The following TANC1 variants were observed in gnomAD, a reference collection of about 807,000 sequenced individuals.
The protein encoded by TANC1 is protein TANC1.
Under a neutral mutation model 149.7 loss-of-function variants are expected in TANC1, and 77 were observed. The observed-to-expected ratio is 0.51, with a 90% CI of 0.43 to 0.62. The LOEUF is 0.62. Ranked by LOEUF, TANC1 falls within the 20% of genes least tolerant of loss-of-function variation. The pLI is 0.00. For synonymous variants in TANC1, 854 were observed against 925.0 expected (o/e 0.92, Z 1.39); for missense variants, 1,985 against 2,321.8 (o/e 0.85, Z 2.98).
At chr2:159,019,682 T>TTTTTTTTTTTTTTTTC in intron 2 of TANC1, among the ~76,000 whole-genome samples, 1 of 101,506 alleles carries the variant, frequency 9.9e-6, no homozygotes, top group Non-Finnish European at 2.0e-5. Context: ...TTTTTTTTTT[T>TTTTTTTTTTTTTTTTC]TTTTGAGGCA....
chr2:159,160,973 G>GC lies in TANC1; in HGVS notation c.683-2305dup, dbSNP rs547851549. 1.3e-3 allele frequency among the ~76,000 whole-genome samples: 184 copies of GC among 146,096 alleles called. 1 individual carries two copies. Among genetic ancestry groups the GC allele is most frequent in the Non-Finnish European group, 1.4e-3 (95 of 66,696 alleles). ...GCCAGGACCTGAGTGTTACCCCTCC[G>GC]CCCCCTCTCCCCCTCCACGAGATGC... On this transcript the variant is annotated intron_variant, in intron 7 of 26. Coordinates refer to ENST00000263635, the MANE Select transcript of TANC1 (RefSeq NM_033394.3).
In TANC1 at chr2:159,163,494, T is replaced by G. The variant is rs768282805; in HGVS notation, c.894T>G (p.Pro298=). Residue 298 remains proline, a synonymous_variant, in exon 8 of 27, where the codon CCT becomes CCG. Transcript: ENST00000263635. The part of the protein sequence containing the change: ...AESSAGDGPV[P]YSQGSSSLIM... ...CCTCAGCTGGAGATGGTCCAGTCCC[T>G]TATTCTCAGGGCTCCAGCTCACTAA... is the stretch of plus-strand genomic sequence containing the variant. 1.2e-6 allele frequency: 2 copies of G among 1,613,458 alleles called. No homozygotes were observed. The highest frequency in any genetic ancestry group is 1.7e-6 in the Non-Finnish European group (2 of 1,179,950).
chr2:159,175,324 T>A, intron 12 of TANC1, 140 bp downstream of exon 12: 1 of 662,224 alleles, frequency 1.5e-6, no homozygotes, highest in Non-Finnish European at 2.6e-6. Context: ...TCCGTGCCCA[T>A]CCACTCCTCT....
intron 1 of TANC1, among the ~76,000 whole-genome samples, chr2:158,980,895 G>A (rs964095441): frequency 2.6e-5 from 4 of 151,682 alleles, no homozygotes; most frequent in Non-Finnish European, 4.4e-5. Context: ...TGTCTCTTTC[G>A]TCTTTTTAAA....
intron 3 of TANC1, among the ~76,000 whole-genome samples, chr2:159,096,439 A>G (rs1011099454): frequency 1.3e-5 from 2 of 152,172 alleles, no homozygotes; most frequent in African/African-American, 4.8e-5. Context: ...CCCTGGTGCC[A>G]CAAAGAAATA....
chr2:158,992,243 A>G (rs1200131284), intron 1 of TANC1, among the ~76,000 whole-genome samples: 1 of 151,906 alleles, frequency 6.6e-6, no homozygotes, highest in Admixed American at 6.6e-5. Flanking sequence ...GTGCACCTGC[A>G]ATCTCATCTA....
At chr2:159,093,468 G>T in intron 3 of TANC1, among the ~76,000 whole-genome samples, 1 of 152,098 alleles carries the variant, frequency 6.6e-6, no homozygotes, top group African/African-American at 2.4e-5. Context: ...TTCACTTTCT[G>T]CCCGTGGCAT....
At chr2:158,997,041 A>T (rs1274125697) in intron 1 of TANC1, among the ~76,000 whole-genome samples, 1 of 152,026 alleles carries the variant, frequency 6.6e-6, no homozygotes, top group Non-Finnish European at 1.5e-5. Context: ...TACCTGCTTT[A>T]CAGTTGCATG....
chr2:159,223,710 C>T (rs1370353202), intron 22 of TANC1, among the ~76,000 whole-genome samples: 1 of 152,166 alleles, frequency 6.6e-6, no homozygotes, highest in Non-Finnish European at 1.5e-5. Flanking sequence ...TCAAACTTGC[C>T]ATCTTTACTC....
intron 3 of TANC1, among the ~76,000 whole-genome samples, chr2:159,069,873 A>G (rs2042996738): frequency 6.7e-6 from 1 of 149,860 alleles, no homozygotes. Flanking sequence ...GGCTCAAGTA[A>G]TTCTCCCACC....
intron 1 of TANC1, among the ~76,000 whole-genome samples, chr2:158,970,345 G>A (rs147320457): frequency 5.3e-4 from 81 of 152,304 alleles, no homozygotes; most frequent in Admixed American, 8.5e-4. Flanking sequence ...GAAAGCAGTT[G>A]TGAAGCTTCC....
In TANC1 at chr2:158,981,807, A is replaced by G. The variant is rs929064711; in HGVS notation, c.-126+13025A>G. 9.9e-5 allele frequency among the ~76,000 whole-genome samples: 15 copies of G among 152,006 alleles called. No individual in the cohort carries two copies. In the East Asian group the frequency reaches 2.9e-3, roughly 29 times the overall value. ...GTAAAATAATACTCCATAGACACTT[A>G]TTTTTAAAACACATTTAGGAATGTG... On this transcript the variant is annotated intron_variant, in intron 1 of 26. Transcript: ENST00000263635.
rs536196818 is a variant in TANC1 at position 159,004,269 on chromosome 2, G to C, written c.-16+3080G>C. The C allele has an allele frequency of 5.0e-4, 806 of 1,611,996 alleles. 9 individuals carry two copies. In the Middle Eastern group the frequency reaches 0.01, roughly 21 times the overall value. ...AGACATTGATGAGGAAGATGATGAT[G>C]TTCCAGATCTTGTAGAAAATTTTGA... is the stretch of plus-strand genomic sequence containing the variant. On this transcript the variant is annotated intron_variant, in intron 2 of 26. Coordinates refer to ENST00000263635, the MANE Select transcript of TANC1 (RefSeq NM_033394.3).
Position 159,172,110 on chromosome 2 carries a change from T to A in TANC1, c.1352-11T>A, listed in dbSNP as rs2055324043. The A allele has an allele frequency of 6.2e-7, 1 of 1,613,512 alleles. No homozygotes were observed. The highest frequency in any genetic ancestry group is 8.5e-7 in the Non-Finnish European group (1 of 1,179,668). ...TGTGATGTACATAATGAAATGGGTCTTTCTCTGCAGCCTCTGACCCCACTC... is the reference window on the plus strand; with the variant it reads ...TGTGATGTACATAATGAAATGGGTCATTCTCTGCAGCCTCTGACCCCACTC... On this transcript the variant is annotated splice_polypyrimidine_tract_variant and intron_variant, in intron 10 of 26. Coordinates refer to ENST00000263635, the MANE Select transcript of TANC1 (RefSeq NM_033394.3).
rs185903800 is a variant in TANC1 at position 159,116,865 on chromosome 2, G to A, written c.259+19031G>A. Among the ~76,000 whole-genome samples the A allele has an allele frequency of 3.3e-5, 5 of 152,302 alleles. No homozygotes were observed. In the South Asian group the frequency reaches 6.2e-4, roughly 19 times the overall value. The stretch of plus-strand genomic sequence containing the variant: ...CCCACTTACAGTGAGTTGATGGAGC[G>A]CCCCAAGAGCTTAGTTATAACTTTG... On this transcript the variant is annotated intron_variant, in intron 4 of 26. Transcript: ENST00000263635.
rs2060256929 is a variant in TANC1, at chr2:159,230,043, C to A, written c.4617C>A (p.His1539Gln). ...KQAQIVKTSQ[H>Q]LGSGQSAVRN... ...CCCAGATCGTGAAAACCAGCCAGCA[C>A]CTGGGCTCTGGCCAGTCGGCAGTGA... The change falls in exon 27 of 27, where the codon CAC (histidine) becomes CAA (glutamine). Residue 1539 changes from histidine to glutamine, a missense_variant. Physicochemically the swap from His to Gln is conservative, Grantham distance 24. Around this residue, in one of 3 missense-constraint regions of TANC1, gnomAD observed 920 missense variants for 994.7 expected, o/e 0.92. Coordinates refer to ENST00000263635, the MANE Select transcript of TANC1 (RefSeq NM_033394.3). The surrounding 1 kb of genome is among the most constrained non-coding windows in gnomAD (Gnocchi z 4.4). 1 of 1,613,978 alleles carries A rather than the reference C, an allele frequency of 6.2e-7. No homozygotes were observed.
At chr2:159,133,649 A>G (rs906048550) in intron 4 of TANC1, among the ~76,000 whole-genome samples, 1 of 151,920 alleles carries the variant, frequency 6.6e-6, no homozygotes. Flanking sequence ...ATGTGTGGAT[A>G]TATATATATG....
Position 159,222,571 on chromosome 2 carries a change from T to C in TANC1, c.3679-1661T>C, listed in dbSNP as rs955921321. Among the ~76,000 whole-genome samples, 4 of 152,226 alleles carry C rather than the reference T, an allele frequency of 2.6e-5. No homozygotes were observed. The East Asian group carries it at 7.7e-4, about 29-fold the overall frequency. ...TAGCGTGTGTTAGAATAGCATTTCC[T>C]TCCTTTGTAAGGATGAATATTGCTC... On this transcript the variant is annotated intron_variant, in intron 22 of 26. Transcript: ENST00000263635.
At position 159,194,490 on chromosome 2, in the gene TANC1, G is replaced by A. The variant is rs2057704005; in HGVS notation, c.2976G>A (p.Val992=). ...TGTGTCTGCTGACCAAGAAGGGAGT[G>A]AGAGTAAGCGGCAGCCTGCTCTTTT... ...KLVCLLTKKG[V]RVDHLDKKGQ... The change falls in exon 17 of 27, where the codon GTG becomes GTA. Residue 992 remains valine, a synonymous_variant. Coordinates refer to ENST00000263635, the MANE Select transcript of TANC1 (RefSeq NM_033394.3). 1 of 1,613,436 alleles carries A rather than the reference G, an allele frequency of 6.2e-7. No individual in the cohort carries two copies. Among genetic ancestry groups the A allele is most frequent in the Non-Finnish European group, 8.5e-7 (1 of 1,179,512 alleles).
Sources: gnomAD v4.1 joint callset for allele counts (sites outside exome capture counted in the v4.1 genomes callset) on GRCh38, gnomAD v4.1.1 for gene constraint, gnomAD v4.1.1 regional missense constraint, Gnocchi (gnomAD v3.1) non-coding constraint, MANE v1.5 for transcripts, NCBI Gene and HGNC (gene_info 2026-07-23, HGNC 2026-07-21) for gene names.